The following DMXL2 variants were observed in gnomAD, a reference collection of about 807,000 sequenced individuals.
DMXL2 encodes dmX-like protein 2.
Under a neutral mutation model 331.1 loss-of-function variants are expected in DMXL2, and 103 were observed. The observed-to-expected ratio is 0.31, with a 90% CI of 0.27 to 0.37. The LOEUF is 0.37. Among genes scored for constraint, DMXL2 ranks in the 10% least tolerant of loss-of-function variants. The pLI is 1.00. For synonymous variants in DMXL2, 1,281 were observed against 1,252.1 expected, an observed-to-expected ratio of 1.02 and a Z score of -0.49; for missense variants, 3,171 against 3,642.9, an observed-to-expected ratio of 0.87 and a Z score of 3.33.
intron 15 of DMXL2, among the ~76,000 whole-genome samples, chr15:51,514,137 C>T (rs182705454): frequency 6.6e-6 from 1 of 152,094 alleles, no homozygotes; most frequent in Non-Finnish European, 1.5e-5. Flanking sequence ...CCTTAAGATA[C>T]CAAATGGAAC....
chr15:51,527,951 G>A (rs541830718), intron 13 of DMXL2, among the ~76,000 whole-genome samples: 6 of 152,258 alleles, frequency 3.9e-5, no homozygotes, highest in African/African-American at 1.4e-4. Context: ...AAGTTAAGGA[G>A]TAGAGCCTTT....
At chr15:51,485,816 A>T (rs561377081) in intron 23 of DMXL2, among the ~76,000 whole-genome samples, 2 of 152,058 alleles carry the variant, frequency 1.3e-5, no homozygotes, top group South Asian at 4.1e-4. Context: ...ATTTCCATTT[A>T]AAAAAAATGG....
intron 32 of DMXL2, 130 bp from the exon 33 acceptor site, chr15:51,463,626 T>C: frequency 3.5e-6 from 2 of 575,726 alleles, no homozygotes; most frequent in Non-Finnish European, 5.9e-6. Flanking sequence ...TCATAATCTA[T>C]TGCAAAGAAG....
chr15:51,598,091 C>A (rs2052956204), intron 1 of DMXL2, among the ~76,000 whole-genome samples: 1 of 152,146 alleles, frequency 6.6e-6, no homozygotes, highest in African/African-American at 2.4e-5. Context: ...TTAATGCTAT[C>A]TTTGAGGAAG....
At chr15:51,604,267 G>A (rs2053425276) in intron 1 of DMXL2, among the ~76,000 whole-genome samples, 2 of 112,382 alleles carry the variant, frequency 1.8e-5, no homozygotes, top group Non-Finnish European at 1.9e-5. Flanking sequence ...CTTATAAAGG[G>A]CATCTATAAA....
chr15:51,566,651 T>C (rs1485055186), intron 3 of DMXL2, among the ~76,000 whole-genome samples: 1 of 152,160 alleles, frequency 6.6e-6, no homozygotes, highest in Non-Finnish European at 1.5e-5. Context: ...ATTTATACTG[T>C]TTTGGGGGAA....
rs138324424 is a variant in DMXL2 at position 51,514,245 on chromosome 15, C to G, written c.2644+197G>C. The stretch of plus-strand genomic sequence containing the variant: ...CATTTCTTAGTAAAAGTTGATGTCA[C>G]CAATGAATTGTCTTGCAAAAAGTAA... On this transcript the variant is annotated intron_variant, in intron 15 of 43. Coordinates refer to ENST00000560891, the MANE Select transcript of DMXL2 (RefSeq NM_001378457.1). 2.0e-4 allele frequency among the ~76,000 whole-genome samples: 31 copies of G among 152,218 alleles called. No homozygotes were observed. The East Asian group carries it at 5.6e-3, about 27-fold the overall frequency.
intron 39 of DMXL2, among the ~76,000 whole-genome samples, chr15:51,455,489 C>G (rs753187442): frequency 1.3e-5 from 2 of 152,086 alleles, no homozygotes; most frequent in African/African-American, 4.8e-5. Flanking sequence ...ACCTCAAACT[C>G]CTGGGTTCAA....
At chr15:51,483,100 A>G (rs2042133828) in intron 23 of DMXL2, among the ~76,000 whole-genome samples, 1 of 152,162 alleles carries the variant, frequency 6.6e-6, no homozygotes, top group Non-Finnish European at 1.5e-5. Flanking sequence ...TGGCCACCAC[A>G]AACATCTACA....
In DMXL2 at chr15:51,502,954, G is replaced by C. The variant is rs777505965; in HGVS notation, c.2844C>G (p.Thr948=). 1 of 1,614,044 alleles carries C rather than the reference G, an allele frequency of 6.2e-7. No individual in the cohort carries two copies. Among genetic ancestry groups the C allele is most frequent in the South Asian group, 1.1e-5 (1 of 91,074 alleles). The change falls in exon 17 of 44, where the codon ACC becomes ACG. Residue 948 remains threonine, a synonymous_variant. Coordinates refer to ENST00000560891, the MANE Select transcript of DMXL2 (RefSeq NM_001378457.1). The part of the protein sequence containing the change: ...GQKNVDSSPE[T]SPSVSPMPHS... ...GTGGCATGGGGCTCACACTAGGAGA[G>C]GTTTCTGGAGAAGAATCTACGTTCT...
At chr15:51,588,911 G>A (rs1392028080) in intron 1 of DMXL2, among the ~76,000 whole-genome samples, 5 of 152,126 alleles carry the variant, frequency 3.3e-5, no homozygotes, top group Non-Finnish European at 5.9e-5. Context: ...GTATTTCTGT[G>A]GCTGTACACA....
intron 14 of DMXL2, among the ~76,000 whole-genome samples, chr15:51,515,631 T>C (rs2046993349): frequency 6.6e-6 from 1 of 152,118 alleles, no homozygotes; most frequent in Non-Finnish European, 1.5e-5. Flanking sequence ...GGAACAAACC[T>C]AGAAAGAATT....
At chr15:51,454,750 C>A (rs1430292904) in intron 40 of DMXL2, among the ~76,000 whole-genome samples, 4 of 152,120 alleles carry the variant, frequency 2.6e-5, no homozygotes, top group Non-Finnish European at 4.4e-5. Context: ...CCGCCTCGGC[C>A]TCCCAAAGTG....
intron 19 of DMXL2, among the ~76,000 whole-genome samples, chr15:51,493,083 C>T (rs2042922054): frequency 6.6e-6 from 1 of 152,018 alleles, no homozygotes; most frequent in Admixed American, 6.6e-5. Context: ...CATGTCTTGG[C>T]TGCCACTATA....
chr15:51,476,409 T>C (rs2041586837), intron 27 of DMXL2, among the ~76,000 whole-genome samples, 180 bp downstream of exon 27: 1 of 152,110 alleles, frequency 6.6e-6, no homozygotes, highest in Non-Finnish European at 1.5e-5. Context: ...TTCCTGAGTC[T>C]TCAGACAATA....
intron 1 of DMXL2, among the ~76,000 whole-genome samples, chr15:51,611,130 C>A (rs1002235448): frequency 5.9e-5 from 9 of 151,832 alleles, no homozygotes; most frequent in African/African-American, 2.2e-4. Flanking sequence ...TTAAGAAAAA[C>A]ATTAATAAAA....
In DMXL2 at chr15:51,535,427, C is replaced by CT. The variant is rs565145963; in HGVS notation, c.2436+235dup. Among the ~76,000 whole-genome samples the CT allele has an allele frequency of 3.9e-5, 6 of 152,114 alleles. No individual in the cohort carries two copies. In the South Asian group the frequency reaches 1.0e-3, roughly 26 times the overall value. ...ACAAATAATATTTTAGAAAAAAATC[C>CT]TTTTTATTTCTTTTCATGTAAAATG... On this transcript the variant is annotated intron_variant, in intron 13 of 43. Coordinates refer to ENST00000560891, the MANE Select transcript of DMXL2 (RefSeq NM_001378457.1).
intron 14 of DMXL2, among the ~76,000 whole-genome samples, chr15:51,515,072 A>T (rs1488527654): frequency 6.6e-6 from 1 of 152,198 alleles, no homozygotes; most frequent in African/African-American, 2.4e-5. Flanking sequence ...GGGAATTATG[A>T]GGGATCCTAT....
chr15:51,535,878 A>T, intron 12 of DMXL2, 94 bp from the exon 13 acceptor site: 13 of 1,378,646 alleles, frequency 9.4e-6, no homozygotes, highest in Non-Finnish European at 1.3e-5. Flanking sequence ...CATTTTTTTT[A>T]GGCTTAACCA....
Sources: allele counts gnomAD v4.1 joint callset (sites outside exome capture counted in the v4.1 genomes callset), GRCh38; gene constraint gnomAD v4.1.1; transcripts MANE v1.5; gene names NCBI Gene and HGNC (gene_info 2026-07-23, HGNC 2026-07-21).